The following SH3RF2 variants were observed in gnomAD, a reference collection of about 807,000 sequenced individuals.
The protein encoded by SH3RF2 is E3 ubiquitin-protein ligase SH3RF2.
SH3RF2 carries 43 observed loss-of-function variants against 59.0 expected under a neutral mutation model. The observed-to-expected ratio is 0.73, with a 90% CI of 0.57 to 0.94. SH3RF2 has a LOEUF of 0.94. Ranked by LOEUF, SH3RF2 falls within the 40% of genes least tolerant of loss-of-function variation. The pLI is 0.00. For synonymous variants in SH3RF2, 391 were observed against 391.5 expected (o/e 1.00, Z 0.01); for missense variants, 930 against 940.1 (o/e 0.99, Z 0.14).
intron 2 of SH3RF2, among the ~76,000 whole-genome samples, chr5:145,983,946 G>A (rs1300815768): frequency 6.6e-6 from 1 of 152,088 alleles, no homozygotes; most frequent in Non-Finnish European, 1.5e-5. Flanking sequence ...CCCCAATCTT[G>A]GGGAAATAAC....
chr5:146,045,273 A>C (rs909430636), intron 5 of SH3RF2, among the ~76,000 whole-genome samples: 10 of 152,220 alleles, frequency 6.6e-5, no homozygotes, highest in African/African-American at 2.4e-4. Context: ...CAGTGCTAAG[A>C]GTTCCTCAGG....
At chr5:146,038,110 T>C (rs1762005792) in intron 5 of SH3RF2, among the ~76,000 whole-genome samples, 1 of 152,190 alleles carries the variant, frequency 6.6e-6, no homozygotes. Context: ...CAGAAAATGT[T>C]TGATAAAATT....
chr5:145,953,463 A>G (rs962099428), intron 2 of SH3RF2, among the ~76,000 whole-genome samples: 1 of 152,198 alleles, frequency 6.6e-6, no homozygotes, highest in Non-Finnish European at 1.5e-5. Flanking sequence ...GATAAGCTGC[A>G]GGGGAAGATG....
exon 10 of SH3RF2, chr5:146,081,133 A>G (rs974698356): frequency 1.3e-5 from 2 of 152,156 alleles, no homozygotes; most frequent in Non-Finnish European, 2.9e-5. Flanking sequence ...CATACAGAAT[A>G]TGTCTTCACT....
intron 9 of SH3RF2, among the ~76,000 whole-genome samples, chr5:146,074,831 T>C (rs1285960616): frequency 6.6e-6 from 1 of 151,978 alleles, no homozygotes; most frequent in Non-Finnish European, 1.5e-5. Context: ...CCAACCTTTC[T>C]CTGGCACAGC....
chr5:146,049,220 A>G lies in SH3RF2; in HGVS notation c.1297A>G (p.Asn433Asp), dbSNP rs139696891. 4.1e-4 allele frequency: 666 copies of G among 1,612,818 alleles called. No homozygotes were observed. The highest frequency in any genetic ancestry group is 5.2e-4 in the Non-Finnish European group (614 of 1,179,308). Reference protein sequence around the residue: ...LVTGRVGIFPNNYVIPIFRKT... With the variant: ...LVTGRVGIFPDNYVIPIFRKT... ...CACCGGGCGAGTCGGCATCTTCCCA[A>G]ACAATTACGTCATCCCCATTTTCAG... The change falls in exon 7 of 10, where the codon AAC (asparagine) becomes GAC (aspartate). Residue 433 changes from asparagine (N) to aspartate (D), a missense_variant. By Grantham distance (23) the Asn-to-Asp change is conservative. Transcript: ENST00000359120.
At chr5:146,052,544 C>A (rs893257481) in intron 7 of SH3RF2, among the ~76,000 whole-genome samples, 1 of 152,102 alleles carries the variant, frequency 6.6e-6, no homozygotes, top group East Asian at 1.9e-4. Context: ...TATGGGGAAC[C>A]AACATTCTCA....
Position 146,047,768 on chromosome 5 carries a change from G to A in SH3RF2, c.1060-4G>A. ...CTGCTTGGCTGTCTTTTCTGTCTGT[G>A]CAGGTCAGCACTTATCACCCCGCAC... On this transcript the variant is annotated splice_region_variant and splice_polypyrimidine_tract_variant and intron_variant, in intron 5 of 9. Transcript: ENST00000359120. The A allele has an allele frequency of 6.2e-7, 1 of 1,613,838 alleles. No homozygotes were observed. The highest frequency in any genetic ancestry group is 1.3e-5 in the African/African-American group (1 of 75,016).
intron 2 of SH3RF2, among the ~76,000 whole-genome samples, chr5:145,993,825 C>T (rs1022845313): frequency 1.1e-4 from 17 of 152,086 alleles, no homozygotes; most frequent in African/African-American, 3.6e-4. Context: ...CCACCACCCC[C>T]CTGTCGTCTT....
chr5:146,068,337 C>A (rs543884497), intron 9 of SH3RF2, among the ~76,000 whole-genome samples: 2 of 152,210 alleles, frequency 1.3e-5, no homozygotes, highest in Admixed American at 1.3e-4. Context: ...GCAGGCAGAA[C>A]GGCAAAGTCC....
chr5:146,059,431 G>A (rs1258755157), intron 8 of SH3RF2, among the ~76,000 whole-genome samples: 3 of 151,580 alleles, frequency 2.0e-5, no homozygotes, highest in South Asian at 2.1e-4. Context: ...CATTCTTCTC[G>A]GTTGCCTCTC....
chr5:146,044,024 AT>A (rs1762212708), intron 5 of SH3RF2, among the ~76,000 whole-genome samples: 1 of 152,212 alleles, frequency 6.6e-6, no homozygotes, highest in African/African-American at 2.4e-5. Flanking sequence ...TTTATAAAAA[AT>A]GGCCAATCTG....
At chr5:146,068,618 T>C (rs1057088932) in intron 9 of SH3RF2, among the ~76,000 whole-genome samples, 1 of 152,118 alleles carries the variant, frequency 6.6e-6, no homozygotes, top group Non-Finnish European at 1.5e-5. Flanking sequence ...GGAGAATAAA[T>C]CATACAAGGA....
intron 2 of SH3RF2, among the ~76,000 whole-genome samples, chr5:145,981,492 C>T (rs1759505143): frequency 6.6e-6 from 1 of 152,180 alleles, no homozygotes; most frequent in Non-Finnish European, 1.5e-5. Flanking sequence ...CTCTTAAGCT[C>T]TAGGTTCCCC....
intron 8 of SH3RF2, among the ~76,000 whole-genome samples, chr5:146,057,958 CTCTCTCTCTCTATCTATCTA>C (rs749667234): frequency 7.8e-5 from 11 of 140,444 alleles, no homozygotes; most frequent in South Asian, 2.2e-4. Flanking sequence ...CTCTCTCTCT[CTCTCTCTCTCTATCTATCTA>C]TCTATCTATA....
chr5:146,018,010 A>G (rs995451988), intron 5 of SH3RF2, among the ~76,000 whole-genome samples: 5 of 152,256 alleles, frequency 3.3e-5, no homozygotes, highest in Non-Finnish European at 2.9e-5. Flanking sequence ...AAAACTGTTC[A>G]GAGTAGGTAT....
downstream of SH3RF2, among the ~76,000 whole-genome samples, chr5:146,064,763 G>A (rs1334160629): frequency 5.0e-3 from 59 of 11,756 alleles, 1 homozygote; most frequent in Admixed American, 9.1e-3. Context: ...AGGAAGGAAG[G>A]AAGGAAGGAA....
At chr5:146,055,876 A>T in intron 7 of SH3RF2, 105 bp from the exon 8 acceptor site, 1 of 1,280,432 alleles carries the variant, frequency 7.8e-7, no homozygotes, top group Non-Finnish European at 1.1e-6. Context: ...AGAAGTAGCC[A>T]CATTTGGTAT....
Position 145,944,056 on chromosome 5 carries a change from G to A in SH3RF2, c.378+5750G>A, listed in dbSNP as rs143589688. Among the ~76,000 whole-genome samples the A allele has an allele frequency of 4.2e-3, 644 of 152,254 alleles. 5 individuals carry two copies. Among genetic ancestry groups the A allele is most frequent in the African/African-American group, 0.015 (628 of 41,558 alleles). ...ATTGCCAGCACTGTTACATCACTTT[G>A]GCTTAGCTGGGACCAGCTCAGATAT... On this transcript the variant is annotated intron_variant, in intron 2 of 9. Transcript: ENST00000359120.
Sources: allele counts gnomAD v4.1 joint callset (sites outside exome capture counted in the v4.1 genomes callset), GRCh38; gene constraint gnomAD v4.1.1; transcripts MANE v1.5; gene names NCBI Gene and HGNC (gene_info 2026-07-23, HGNC 2026-07-21).